The following ODAD3 variants were observed in gnomAD, a reference collection of about 807,000 sequenced individuals.
ODAD3 encodes outer dynein arm docking complex subunit 3.
Under a neutral mutation model 70.9 loss-of-function variants are expected in ODAD3, and 57 were observed. The observed-to-expected ratio is 0.80, with a 90% CI of 0.65 to 1.00. ODAD3 has a LOEUF of 1.00. Ranked by LOEUF, ODAD3 falls within the 50% of genes least tolerant of loss-of-function variation. The probability of loss-of-function intolerance (pLI) is 0.00; values close to 1 mark genes in which losing one functional copy is unlikely to be tolerated. For synonymous variants in ODAD3, 327 were observed against 315.9 expected, an observed-to-expected ratio of 1.04 and a Z score of -0.37; for missense variants, 797 against 763.9, an observed-to-expected ratio of 1.04 and a Z score of -0.51.
chr19:11,425,791 C>G (rs1969356663), intron 7 of ODAD3, among the ~76,000 whole-genome samples: 1 of 150,456 alleles, frequency 6.6e-6, no homozygotes, highest in South Asian at 2.1e-4. Flanking sequence ...GGGGCGGGGC[C>G]AAGAGTGAGG....
In ODAD3 at chr19:11,426,752, C is replaced by A; in HGVS notation, c.645G>T (p.Lys215Asn). Residue 215 changes from lysine to asparagine, a missense_variant, in exon 5 of 13, where the codon AAG becomes AAT. Coordinates refer to ENST00000356392, the MANE Select transcript of ODAD3 (RefSeq NM_145045.5). ...CGGCCTCCTGCGCCTTCATCTGGGC[C>A]TTCTCCAGGCGGTTCTCCAGGTTCC... ...TMRNLENRLE[K>N]AQMKAQEAEH... The A allele has an allele frequency of 6.2e-7, 1 of 1,613,992 alleles. No individual in the cohort carries two copies. The highest frequency in any genetic ancestry group is 8.5e-7 in the Non-Finnish European group (1 of 1,179,924).
intron 1 of ODAD3, among the ~76,000 whole-genome samples, chr19:11,431,407 A>C (rs1969501210): frequency 6.6e-6 from 1 of 151,908 alleles, no homozygotes; most frequent in African/African-American, 2.4e-5. Flanking sequence ...CCACTGTGCC[A>C]GGCTCATCAA....
At position 11,425,173 on chromosome 19, in the gene ODAD3, G is replaced by A. The variant is rs754079069; in HGVS notation, c.963+971C>T. Among the ~76,000 whole-genome samples the A allele has an allele frequency of 5.6e-4, 75 of 134,618 alleles. 8 individuals are homozygous for A. The East Asian group carries it at 6.9e-3, about 12-fold the overall frequency. The allele number at this position is 134,618 out of a possible 152,430, so 88.3% of individuals were successfully genotyped here. On this transcript the variant is annotated intron_variant, in intron 7 of 12. Coordinates refer to ENST00000356392, the MANE Select transcript of ODAD3 (RefSeq NM_145045.5). ...TATGTATATATACATATGTGTATATGTACATATGTGTATATATACATATGT... is the reference window on the plus strand; with the variant it reads ...TATGTATATATACATATGTGTATATATACATATGTGTATATATACATATGT...
rs1490580844 is a variant in ODAD3 at position 11,424,592 on chromosome 19, TATAA to T, written c.964-567_964-564del. ...ATATATGTGTATATATACCTATGTGTATAAATATATATGTGTATATATACCTATG... is the reference window on the plus strand; with the variant it reads ...ATATATGTGTATATATACCTATGTGTATATATATGTGTATATATACCTATG... On this transcript the variant is annotated intron_variant, in intron 7 of 12. Transcript: ENST00000356392. Among the ~76,000 whole-genome samples the T allele has an allele frequency of 3.7e-4, 50 of 133,952 alleles. No individual in the cohort carries two copies. The South Asian group carries it at 7.7e-3, about 21-fold the overall frequency. The allele number at this position is 133,952 out of a possible 152,430, so 87.9% of individuals were successfully genotyped here.
intron 7 of ODAD3, 29 bp from the exon 8 acceptor site, chr19:11,424,058 G>A (rs200295181): frequency 3.8e-6 from 6 of 1,594,320 alleles, no homozygotes; most frequent in Non-Finnish European, 5.1e-6. Context: ...CAGAGCCAGG[G>A]TCAGCTGGTG....
At chr19:11,429,473 C>T (rs554354912) in intron 3 of ODAD3, among the ~76,000 whole-genome samples, 7 of 152,110 alleles carry the variant, frequency 4.6e-5, no homozygotes, top group African/African-American at 9.6e-5. Flanking sequence ...TGCAGTGGTG[C>T]GATCTCAGCT....
chr19:11,425,650 C>CATATATGCATATAT (rs1969349035), intron 7 of ODAD3, among the ~76,000 whole-genome samples: 2 of 123,628 alleles, frequency 1.6e-5, no homozygotes, highest in Admixed American at 7.7e-5. Flanking sequence ...TATGTATATA[C>CATATATGCATATAT]GTATATATAT....
chr19:11,431,469 C>A (rs1969502554), intron 1 of ODAD3, among the ~76,000 whole-genome samples: 1 of 151,776 alleles, frequency 6.6e-6, no homozygotes, highest in South Asian at 2.1e-4. Flanking sequence ...CATGGTAAAA[C>A]CGCATCTCTA....
chr19:11,435,150 C>G (rs567025020), upstream of ODAD3: 4 of 1,440,374 alleles, frequency 2.8e-6, no homozygotes, highest in East Asian at 7.4e-5. Context: ...GGTTGCGCTC[C>G]GCATCTCTCG....
chr19:11,431,627 CA>C (rs1969505687), intron 1 of ODAD3, among the ~76,000 whole-genome samples: 1 of 150,888 alleles, frequency 6.6e-6, no homozygotes. Context: ...CCCATCTCTA[CA>C]AAAATACAAA....
Position 11,421,122 on chromosome 19 carries a change from A to G in ODAD3, c.1675+6T>C. On this transcript the variant is annotated splice_donor_region_variant and intron_variant, in intron 12 of 12. Coordinates refer to ENST00000356392, the MANE Select transcript of ODAD3 (RefSeq NM_145045.5). ...CGCACCCCTTCATCCCCCCACCCAT[A>G]CTGACCAAAAAACTTGTCCTTGGAA... 6.2e-7 allele frequency: 1 copy of G among 1,612,296 alleles called. No homozygotes were observed.
At chr19:11,425,782 G>A (rs1439351258) in intron 7 of ODAD3, among the ~76,000 whole-genome samples, 3 of 151,518 alleles carry the variant, frequency 2.0e-5, no homozygotes, top group African/African-American at 7.3e-5. Flanking sequence ...GCAGGTGCAG[G>A]GGCGGGGCCA....
intron 1 of ODAD3, 79 bp from the exon 2 acceptor site, chr19:11,431,099 T>C: frequency 6.4e-7 from 1 of 1,555,040 alleles, no homozygotes; most frequent in Non-Finnish European, 8.7e-7. Flanking sequence ...AAAGACCTTT[T>C]TTGCAATCAT....
intron 1 of ODAD3, among the ~76,000 whole-genome samples, chr19:11,434,022 G>C (rs1343631345): frequency 6.6e-6 from 1 of 151,972 alleles, no homozygotes; most frequent in Non-Finnish European, 1.5e-5. Context: ...TTCGAGACCA[G>C]CCTGGCCAAC....
intron 2 of ODAD3, 33 bp from the exon 3 acceptor site, chr19:11,430,809 A>G (rs188734372): frequency 6.2e-7 from 1 of 1,614,000 alleles, no homozygotes; most frequent in African/African-American, 1.3e-5. Flanking sequence ...ACCTTTCAGC[A>G]TGCCACCTCC....
chr19:11,425,071 G>GTATATATGTA (rs1456888017), intron 7 of ODAD3, among the ~76,000 whole-genome samples: 1 of 117,906 alleles, frequency 8.5e-6, no homozygotes, highest in African/African-American at 4.7e-5. Flanking sequence ...GTGTATATAT[G>GTATATATGTA]TATATGTGTA....
At chr19:11,424,603 A>G (rs371984560) in intron 7 of ODAD3, among the ~76,000 whole-genome samples, 1 of 134,398 alleles carries the variant, frequency 7.4e-6, no homozygotes, top group Non-Finnish European at 1.5e-5. Flanking sequence ...ATAAATATAT[A>G]TGTGTATATA....
At chr19:11,432,668 T>C (rs999793438) in intron 1 of ODAD3, among the ~76,000 whole-genome samples, 3 of 152,172 alleles carry the variant, frequency 2.0e-5, no homozygotes, top group Admixed American at 6.6e-5. Context: ...CTAAGAGGTT[T>C]CCGAATGCCA....
intron 11 of ODAD3, 112 bp from the exon 12 acceptor site, chr19:11,421,324 G>A (rs142828437): frequency 7.1e-6 from 7 of 981,120 alleles, no homozygotes; most frequent in African/African-American, 3.3e-5. Context: ...GTTCCAACTG[G>A]AGACCACTGC....
Sources: allele counts gnomAD v4.1 joint callset (sites outside exome capture counted in the v4.1 genomes callset), GRCh38; gene constraint gnomAD v4.1.1; transcripts MANE v1.5; gene names NCBI Gene and HGNC (gene_info 2026-07-23, HGNC 2026-07-21).